Variants in TEX11 observed in about 807,000 individuals in gnomAD.
TEX11 encodes the protein testis-expressed protein 11.
In TEX11, 7 loss-of-function variants were observed where a neutral mutation model predicts 84.4. That is an observed-to-expected ratio of 0.08 (90% CI 0.05 to 0.16). The LOEUF (loss-of-function observed/expected upper bound fraction) is 0.16. Ranked by LOEUF, TEX11 falls within the 10% of genes least tolerant of loss-of-function variation. The probability of loss-of-function intolerance (pLI) is 1.00; values close to 1 mark genes in which losing one functional copy is unlikely to be tolerated. For synonymous variants in TEX11, 264 were observed against 222.8 expected (o/e 1.18, Z -1.64); for missense variants, 551 against 660.5 (o/e 0.83, Z 1.82).
chrX:70,730,530 C>A (rs897087590), intron 11 of TEX11, among the ~76,000 whole-genome samples: 2 of 111,495 alleles, frequency 1.8e-5, no homozygotes, highest in African/African-American at 3.3e-5. Context: ...AGACTTTAAA[C>A]CAACAAAGAT....
chrX:70,728,376 C>G (rs1343854439), intron 11 of TEX11, among the ~76,000 whole-genome samples: 2 of 113,092 alleles, frequency 1.8e-5, no homozygotes, highest in Non-Finnish European at 3.7e-5. Flanking sequence ...ATCGCCTCAC[C>G]AGGGAAGCAC....
chrX:70,864,968 C>T (rs1467471176), intron 4 of TEX11, among the ~76,000 whole-genome samples: 9 of 110,800 alleles, frequency 8.1e-5, no homozygotes, highest in Non-Finnish European at 5.7e-5. Flanking sequence ...ACCAATGGCA[C>T]TATGAAGAAA....
chrX:70,844,723 C>T (rs886910684), intron 7 of TEX11, among the ~76,000 whole-genome samples: 6 of 111,378 alleles, frequency 5.4e-5, no homozygotes, highest in South Asian at 7.6e-4. Flanking sequence ...AGCTCGAGAC[C>T]GGCCTGGCCA....
intron 9 of TEX11, among the ~76,000 whole-genome samples, chrX:70,746,317 G>A (rs2147751044): frequency 9.0e-6 from 1 of 111,164 alleles, no homozygotes; most frequent in South Asian, 3.9e-4. Flanking sequence ...ACGATGGAGA[G>A]GACTGGCTTT....
intron 16 of TEX11, among the ~76,000 whole-genome samples, chrX:70,654,905 T>C (rs973261661): frequency 1.4e-4 from 15 of 109,372 alleles, no homozygotes; most frequent in Non-Finnish European, 2.8e-4. Flanking sequence ...AATATAAATG[T>C]ATTAAAAGTT....
chrX:70,800,180 G>A (rs2091178557), intron 9 of TEX11, among the ~76,000 whole-genome samples: 2 of 111,080 alleles, frequency 1.8e-5, no homozygotes, highest in South Asian at 3.8e-4. Context: ...TTGTAAGTGG[G>A]AGCTAAATGA....
At chrX:70,689,903 T>A (rs1034126725) in intron 13 of TEX11, among the ~76,000 whole-genome samples, 3 of 111,756 alleles carry the variant, frequency 2.7e-5, no homozygotes, top group African/African-American at 9.7e-5. Flanking sequence ...AAGGCTAATA[T>A]CAACATACAT....
intron 9 of TEX11, among the ~76,000 whole-genome samples, chrX:70,787,529 C>A (rs2091087113): frequency 1.8e-5 from 2 of 110,664 alleles, no homozygotes; most frequent in Admixed American, 1.9e-4. Context: ...CGGGGTTTCA[C>A]CATGTTGGCC....
intron 26 of TEX11, among the ~76,000 whole-genome samples, chrX:70,554,431 T>C (rs1169488852): frequency 1.8e-5 from 2 of 111,852 alleles, no homozygotes; most frequent in African/African-American, 6.5e-5. Flanking sequence ...TTATTGTTTA[T>C]GACCCTAAAG....
At chrX:70,801,390 G>A (rs769984106) in intron 9 of TEX11, among the ~76,000 whole-genome samples, 2 of 111,542 alleles carry the variant, frequency 1.8e-5, no homozygotes, top group East Asian at 5.6e-4. Context: ...CAAAGAAATA[G>A]TATATATATA....
chrX:70,899,388 G>A (rs184679545), intron 2 of TEX11, among the ~76,000 whole-genome samples: 148 of 111,084 alleles, frequency 1.3e-3, no homozygotes, highest in African/African-American at 4.7e-3. Flanking sequence ...AATATGCTGG[G>A]CTATAGCATT....
chrX:70,513,482 T>A, the TEX11 span, among the ~76,000 whole-genome samples: 1 of 106,839 alleles, frequency 9.4e-6, no homozygotes, highest in East Asian at 2.9e-4. Flanking sequence ...GATGGAATTT[T>A]AAAAATTTAT....
At chrX:70,822,574 C>T (rs1474154527) in intron 8 of TEX11, among the ~76,000 whole-genome samples, 2 of 111,292 alleles carry the variant, frequency 1.8e-5, no homozygotes, top group East Asian at 2.8e-4. Context: ...ACACCCATAT[C>T]GGCCTTAGTC....
intron 5 of TEX11, among the ~76,000 whole-genome samples, chrX:70,853,871 G>A (rs1288801853): frequency 8.9e-6 from 1 of 111,873 alleles, no homozygotes; most frequent in African/African-American, 3.2e-5. Context: ...TCAGGCAATA[G>A]GCCTCCCCAA....
chrX:70,848,587 A>G (rs1005496703), intron 7 of TEX11, among the ~76,000 whole-genome samples: 2 of 111,719 alleles, frequency 1.8e-5, no homozygotes, highest in South Asian at 7.5e-4. Context: ...GTGCAAAAAG[A>G]TCAGAAAGGA....
chrX:70,568,026 T>A (rs1002825187), intron 25 of TEX11, among the ~76,000 whole-genome samples: 3 of 111,431 alleles, frequency 2.7e-5, no homozygotes, highest in Non-Finnish European at 5.7e-5. Context: ...CCCATTATTA[T>A]TGTGTGGGAG....
chrX:70,874,386 G>T (rs2091644776), intron 3 of TEX11, among the ~76,000 whole-genome samples: 1 of 96,635 alleles, frequency 1.0e-5, no homozygotes, highest in Admixed American at 1.2e-4. Context: ...TTGATCAAAT[G>T]ATGACTTCCT....
At chrX:70,868,513 A>ATG (rs2091611185) in intron 4 of TEX11, among the ~76,000 whole-genome samples, 1 of 111,697 alleles carries the variant, frequency 9.0e-6, no homozygotes, top group African/African-American at 3.3e-5. Flanking sequence ...TTGACCCAGC[A>ATG]ATCCCATTAC....
chrX:70,638,914 G>A (rs2089608678), intron 17 of TEX11, among the ~76,000 whole-genome samples: 1 of 110,036 alleles, frequency 9.1e-6, no homozygotes, highest in Admixed American at 9.7e-5. Flanking sequence ...GAGGAGCCAA[G>A]ATGGCCGAAT....
Sources: allele counts gnomAD v4.1 joint callset (sites outside exome capture counted in the v4.1 genomes callset), GRCh38; gene constraint gnomAD v4.1.1; transcripts MANE v1.5; gene names NCBI Gene and HGNC (gene_info 2026-07-23, HGNC 2026-07-21).